The following KBTBD12 variants were observed in gnomAD, a reference collection of about 807,000 sequenced individuals.
KBTBD12 encodes the protein kelch repeat and BTB domain containing 12, also known as kelch repeat and BTB domain-containing protein 12.
Under a neutral mutation model 58.7 loss-of-function variants are expected in KBTBD12, and 53 were observed. The observed-to-expected ratio is 0.90, with a 90% confidence interval of 0.72 to 1.14. KBTBD12 has a LOEUF of 1.14. KBTBD12 is among the 50% of genes most tolerant of loss of function. The pLI is 0.00. For missense variants in KBTBD12, 704 were observed against 751.3 expected, an observed-to-expected ratio of 0.94 and a Z score of 0.74; for synonymous variants, 236 against 259.8, an observed-to-expected ratio of 0.91 and a Z score of 0.88.
At chr3:127,945,615 C>A (rs191018149) in intron 4 of KBTBD12, among the ~76,000 whole-genome samples, 31 of 151,402 alleles carry the variant, frequency 2.0e-4, no homozygotes, top group Non-Finnish European at 4.0e-4. Context: ...CTGTTTAAGT[C>A]TCTTCCCCAG....
Position 127,927,800 on chromosome 3 carries a change from A to G in KBTBD12, c.1107A>G (p.Leu369=). The G allele has an allele frequency of 6.3e-7, 1 of 1,581,720 alleles. No homozygotes were observed. Among genetic ancestry groups the G allele is most frequent in the Non-Finnish European group, 8.6e-7 (1 of 1,163,608 alleles). Residue 369 remains leucine, a synonymous_variant, in exon 3 of 6, where the codon TTA becomes TTG. Coordinates refer to ENST00000405109, the MANE Select transcript of KBTBD12 (RefSeq NM_207335.4). ...HDRGNQFWEK[L]CTAEFRELYA... ...GAGGAAACCAGTTTTGGGAAAAGTT[A>G]TGCACAGCTGAATTTCGAGAACTCT...
intron 4 of KBTBD12, among the ~76,000 whole-genome samples, chr3:127,945,028 A>G (rs567753803): frequency 9.4e-4 from 142 of 151,652 alleles, no homozygotes; most frequent in Non-Finnish European, 1.8e-3. Context: ...CCACAGACTC[A>G]TGCCAACCCA....
intron 4 of KBTBD12, among the ~76,000 whole-genome samples, chr3:127,942,980 G>A (rs1939989912): frequency 6.6e-6 from 1 of 152,064 alleles, no homozygotes; most frequent in Admixed American, 6.6e-5. Context: ...ATTCTCATGA[G>A]AACTAATCCA....
chr3:127,937,743 T>C (rs758360073), intron 4 of KBTBD12, among the ~76,000 whole-genome samples: 26 of 152,108 alleles, frequency 1.7e-4, no homozygotes, highest in Non-Finnish European at 3.1e-4. Flanking sequence ...AAGAAATGTA[T>C]ACTTAGATTT....
chr3:127,939,209 T>C (rs544365383), intron 4 of KBTBD12, among the ~76,000 whole-genome samples: 2 of 152,312 alleles, frequency 1.3e-5, no homozygotes, highest in Admixed American at 1.3e-4. Context: ...AGAAGAAACT[T>C]CCTCTCCATT....
intron 1 of KBTBD12, among the ~76,000 whole-genome samples, chr3:127,920,719 G>C (rs185745973): frequency 4.4e-4 from 66 of 151,670 alleles, no homozygotes; most frequent in African/African-American, 1.5e-3. Context: ...ATTTACAGTG[G>C]TCCATTTCTC....
intron 1 of KBTBD12, among the ~76,000 whole-genome samples, chr3:127,918,864 T>G (rs1216340614): frequency 6.6e-6 from 1 of 152,192 alleles, no homozygotes; most frequent in Non-Finnish European, 1.5e-5. Flanking sequence ...CCAGAATGCC[T>G]GAATGAGGGG....
intron 2 of KBTBD12, among the ~76,000 whole-genome samples, chr3:127,925,525 T>C (rs946897613): frequency 1.3e-5 from 2 of 152,208 alleles, no homozygotes; most frequent in African/African-American, 4.8e-5. Flanking sequence ...TCCAACCCTG[T>C]CAAAGTGTCT....
chr3:127,928,050 G>A lies in KBTBD12; in HGVS notation c.1341+16G>A. The A allele has an allele frequency of 1.2e-6, 2 of 1,607,612 alleles. No homozygotes were observed. Among genetic ancestry groups the A allele is most frequent in the Non-Finnish European group, 1.7e-6 (2 of 1,174,642 alleles). On this transcript the variant is annotated intron_variant, in intron 3 of 5. Coordinates refer to ENST00000405109, the MANE Select transcript of KBTBD12 (RefSeq NM_207335.4). ...GACCCCTCAGGTTAAGAAATTTCCT[G>A]TATACATAATTGGCATGGCTATACT...
chr3:127,948,257 C>G (rs1183646518), intron 4 of KBTBD12, among the ~76,000 whole-genome samples: 1 of 152,222 alleles, frequency 6.6e-6, no homozygotes, highest in Admixed American at 6.5e-5. Context: ...TCCTGCTGTT[C>G]CACTGAGGCC....
At chr3:127,941,757 G>A (rs1216238040) in intron 4 of KBTBD12, among the ~76,000 whole-genome samples, 1 of 151,878 alleles carries the variant, frequency 6.6e-6, no homozygotes, top group Non-Finnish European at 1.5e-5. Context: ...CTGCCATCAC[G>A]CCCAGCTCAT....
At chr3:127,981,892 C>T (rs1409502792) in intron 5 of KBTBD12, among the ~76,000 whole-genome samples, 1 of 152,234 alleles carries the variant, frequency 6.6e-6, no homozygotes. Flanking sequence ...ACAGGATATA[C>T]ATCCTTTATG....
At chr3:127,953,624 G>A (rs1198686168) in intron 4 of KBTBD12, among the ~76,000 whole-genome samples, 9 of 152,176 alleles carry the variant, frequency 5.9e-5, no homozygotes, top group African/African-American at 2.2e-4. Flanking sequence ...GTAAATGTTT[G>A]TCTTTAAAAA....
At chr3:127,963,079 G>A in intron 4 of KBTBD12, 110 bp from the exon 5 acceptor site, 1 of 967,628 alleles carries the variant, frequency 1.0e-6, no homozygotes, top group Non-Finnish European at 1.5e-6. Context: ...GCAAGAAAGA[G>A]AAAAGTTACA....
chr3:127,924,182 G>T (rs1939509101), intron 2 of KBTBD12, 51 bp downstream of exon 2: 1 of 1,188,182 alleles, frequency 8.4e-7, no homozygotes, highest in African/African-American at 1.5e-5. Context: ...GATACTAGCA[G>T]CAGTAGAAGA....
intron 1 of KBTBD12, among the ~76,000 whole-genome samples, chr3:127,916,044 A>C (rs1159189502): frequency 6.6e-6 from 1 of 152,240 alleles, no homozygotes; most frequent in African/African-American, 2.4e-5. Context: ...AGCCAGGAGA[A>C]TAATTGCCCT....
At chr3:127,982,508 A>C (rs1421860750) in intron 5 of KBTBD12, among the ~76,000 whole-genome samples, 1 of 150,056 alleles carries the variant, frequency 6.7e-6, no homozygotes, top group African/African-American at 2.5e-5. Context: ...TAAGGTGTCC[A>C]CTCTCCCCTG....
At chr3:127,917,695 G>C (rs1276549915) in intron 1 of KBTBD12, among the ~76,000 whole-genome samples, 1 of 152,128 alleles carries the variant, frequency 6.6e-6, no homozygotes, top group Non-Finnish European at 1.5e-5. Context: ...AAGGATTTTA[G>C]GAGTTGTATG....
chr3:127,951,381 C>T (rs760211130), intron 4 of KBTBD12, among the ~76,000 whole-genome samples: 2 of 152,122 alleles, frequency 1.3e-5, no homozygotes, highest in Non-Finnish European at 2.9e-5. Context: ...GAGTGGATTG[C>T]TGTTCCTCAG....
Sources: gnomAD v4.1 joint callset for allele counts (sites outside exome capture counted in the v4.1 genomes callset) on GRCh38, gnomAD v4.1.1 for gene constraint, MANE v1.5 for transcripts, NCBI Gene and HGNC (gene_info 2026-07-23, HGNC 2026-07-21) for gene names.